HECW1: variants seen among roughly 807,000 people sequenced by gnomAD.
The protein encoded by HECW1 is HECT, C2 and WW domain containing E3 ubiquitin protein ligase 1.
A neutral mutation model predicts 182.3 loss-of-function variants in HECW1; 61 were observed. The observed-to-expected ratio is 0.33, with a 90% CI of 0.27 to 0.41. The LOEUF (loss-of-function observed/expected upper bound fraction) is 0.41, where lower values mean the gene tolerates loss of function less well. Ranked by LOEUF, HECW1 falls within the 10% of genes least tolerant of loss-of-function variation. HECW1 has a pLI of 1.00. For missense variants in HECW1, 1,739 were observed against 2,108.9 expected (o/e 0.82, Z 3.44); for synonymous variants, 859 against 832.6 (o/e 1.03, Z -0.55).
chr7:43,197,178 G>C (rs1441313354), intron 2 of HECW1, among the ~76,000 whole-genome samples: 2 of 151,966 alleles, frequency 1.3e-5, no homozygotes, highest in Non-Finnish European at 2.9e-5. Context: ...TTTTTGTTCT[G>C]TGTACACTCA....
At chr7:43,456,247 G>A (rs1312069160) in intron 12 of HECW1, 50 bp from the exon 13 acceptor site, 11 of 1,566,816 alleles carry the variant, frequency 7.0e-6, no homozygotes, top group Admixed American at 3.5e-5. Context: ...TTTCACGTGG[G>A]TCAGTAGTTT....
intron 16 of HECW1, among the ~76,000 whole-genome samples, chr7:43,471,200 C>T (rs943441448): frequency 6.6e-6 from 1 of 152,112 alleles, no homozygotes; most frequent in Non-Finnish European, 1.5e-5. Context: ...TTGCCAAAGC[C>T]CATTGATAAG....
intron 3 of HECW1, among the ~76,000 whole-genome samples, chr7:43,257,853 G>C (rs1367661624): frequency 6.6e-6 from 1 of 152,124 alleles, no homozygotes; most frequent in Non-Finnish European, 1.5e-5. Flanking sequence ...GAAATAAGAA[G>C]AAGAATAGTG....
intron 2 of HECW1, among the ~76,000 whole-genome samples, chr7:43,227,068 CCT>C (rs763759604): frequency 6.6e-5 from 10 of 152,154 alleles, no homozygotes; most frequent in Non-Finnish European, 1.3e-4. Flanking sequence ...GAAGTCAATG[CCT>C]CTCTCATTAA....
In HECW1 at chr7:43,308,133, TA is replaced by T. The variant is rs1807920775; in HGVS notation, c.28-3628del. On this transcript the variant is annotated intron_variant, in intron 3 of 29. Coordinates refer to ENST00000395891, the MANE Select transcript of HECW1 (RefSeq NM_015052.5). The stretch of plus-strand genomic sequence containing the variant: ...ATATAACATATAATATATTTATATA[TA>T]ATATATTATATTATATATTATATAT... Among the ~76,000 whole-genome samples the T allele has an allele frequency of 2.8e-5, 3 of 105,440 alleles. No homozygotes were observed. In the South Asian group the frequency reaches 7.1e-4, roughly 25 times the overall value. 69.2% of individuals were successfully genotyped at this position (105,440 alleles called of 152,430 possible).
At chr7:43,146,034 C>T (rs1351806946) in intron 2 of HECW1, among the ~76,000 whole-genome samples, 6 of 152,220 alleles carry the variant, frequency 3.9e-5, no homozygotes, top group Non-Finnish European at 5.9e-5. Context: ...ATTCTCTCCA[C>T]TACCCCGTGT....
intron 6 of HECW1, among the ~76,000 whole-genome samples, chr7:43,368,186 G>T (rs975335928): frequency 6.6e-6 from 1 of 152,172 alleles, no homozygotes; most frequent in African/African-American, 2.4e-5. Context: ...AGTGTGTAGC[G>T]GGGAGACAGA....
At chr7:43,509,323 A>G (rs2079746469) in intron 24 of HECW1, 1 of 487,692 alleles carries the variant, frequency 2.1e-6, no homozygotes, top group Non-Finnish European at 3.6e-6. Flanking sequence ...GGATGCTGAT[A>G]ATATAGCAAC....
At chr7:43,424,934 G>A (rs2076308383) in intron 8 of HECW1, among the ~76,000 whole-genome samples, 2 of 152,022 alleles carry the variant, frequency 1.3e-5, no homozygotes, top group South Asian at 4.1e-4. Context: ...AATTATTAAC[G>A]CATCCATCCT....
intron 13 of HECW1, 71 bp from the exon 14 acceptor site, chr7:43,463,589 C>T (rs1213787549): frequency 7.1e-7 from 1 of 1,406,008 alleles, no homozygotes; most frequent in Non-Finnish European, 9.9e-7. Context: ...CTCCAATTAT[C>T]TGATTCAGAG....
chr7:43,489,127 A>T (rs2078833721), intron 17 of HECW1, among the ~76,000 whole-genome samples: 2 of 152,182 alleles, frequency 1.3e-5, no homozygotes, highest in South Asian at 4.1e-4. Context: ...GCGAAACAAC[A>T]AATGTTTCCT....
At chr7:43,257,942 T>C (rs1800756138) in intron 3 of HECW1, among the ~76,000 whole-genome samples, 1 of 152,252 alleles carries the variant, frequency 6.6e-6, no homozygotes, top group South Asian at 2.1e-4. Context: ...GCTCATTAAT[T>C]ATTAAATGCT....
intron 2 of HECW1, among the ~76,000 whole-genome samples, chr7:43,131,527 T>C (rs531286519): frequency 6.6e-6 from 1 of 152,296 alleles, no homozygotes; most frequent in African/African-American, 2.4e-5. Context: ...ATACAAATCA[T>C]TGACTGCATT....
Position 43,309,128 on chromosome 7 carries a change from C to T in HECW1, c.28-2635C>T, listed in dbSNP as rs559878301. Among the ~76,000 whole-genome samples, 4 of 152,290 alleles carry T rather than the reference C, an allele frequency of 2.6e-5. No homozygotes were observed. The South Asian group carries it at 8.3e-4, about 32-fold the overall frequency. On this transcript the variant is annotated intron_variant, in intron 3 of 29. Coordinates refer to ENST00000395891, the MANE Select transcript of HECW1 (RefSeq NM_015052.5). Reference sequence around the variant, plus strand: ...TAGCAACAGTACCTAAGAATCCCTGCAGGGGAATGGGATTCCTGTGCATCA... The same window carrying T: ...TAGCAACAGTACCTAAGAATCCCTGTAGGGGAATGGGATTCCTGTGCATCA...
chr7:43,306,800 G>A (rs1025082377), intron 3 of HECW1, among the ~76,000 whole-genome samples: 1 of 151,962 alleles, frequency 6.6e-6, no homozygotes, highest in Non-Finnish European at 1.5e-5. Context: ...AAAAATCCAT[G>A]CATAATAACA....
At chr7:43,465,503 C>A (rs1346501069) in intron 14 of HECW1, among the ~76,000 whole-genome samples, 3 of 152,158 alleles carry the variant, frequency 2.0e-5, no homozygotes, top group Non-Finnish European at 4.4e-5. Context: ...GGCAGGGTTA[C>A]CAGAGAGTGG....
intron 21 of HECW1, among the ~76,000 whole-genome samples, chr7:43,504,403 C>T (rs931812614): frequency 1.4e-4 from 22 of 152,216 alleles, no homozygotes; most frequent in Non-Finnish European, 2.9e-4. Flanking sequence ...CTCTGGTTCA[C>T]GGACTTTTCT....
intron 5 of HECW1, among the ~76,000 whole-genome samples, chr7:43,342,182 A>G (rs1813086453): frequency 6.6e-6 from 1 of 151,818 alleles, no homozygotes; most frequent in Non-Finnish European, 1.5e-5. Context: ...TTTTTAAATT[A>G]ACATAAATTT....
At position 43,530,695 on chromosome 7, in the gene HECW1, T is replaced by A. The variant is rs74388191; in HGVS notation, c.4020-10468T>A. Among the ~76,000 whole-genome samples, 1,340 of 152,276 alleles carry A rather than the reference T, an allele frequency of 8.8e-3. 21 individuals carry two copies. Among genetic ancestry groups the A allele is most frequent in the African/African-American group, 0.031 (1,283 of 41,562 alleles). ...TTATTATCAAAATACCTACTAGACA[T>A]CTCCACTTTGATCCTCCTCCAAGTT... is the stretch of plus-strand genomic sequence containing the variant. On this transcript the variant is annotated intron_variant, in intron 24 of 29. Coordinates refer to ENST00000395891, the MANE Select transcript of HECW1 (RefSeq NM_015052.5).
Sources: allele counts gnomAD v4.1 joint callset (sites outside exome capture counted in the v4.1 genomes callset), GRCh38; gene constraint gnomAD v4.1.1; transcripts MANE v1.5; gene names NCBI Gene and HGNC (gene_info 2026-07-23, HGNC 2026-07-21).